BHLHA15: variants seen among roughly 807,000 people sequenced by gnomAD.
The protein encoded by BHLHA15 is class A basic helix-loop-helix protein 15.
In BHLHA15, 7 loss-of-function variants were observed where a neutral mutation model predicts 10.4. The ratio of observed to expected loss-of-function variants is 0.67; its 90% CI spans 0.38 to 1.26. The LOEUF (loss-of-function observed/expected upper bound fraction) is 1.26, where lower values mean the gene tolerates loss of function less well. Among genes scored for constraint, BHLHA15 ranks in the 50% most tolerant of loss-of-function variants. BHLHA15 has a pLI of 0.02. For synonymous variants in BHLHA15, 140 were observed against 131.5 expected (o/e 1.06, Z -0.44); for missense variants, 289 against 287.4 (o/e 1.01, Z -0.04).
chr7:98,212,221 G>A, intron 1 of BHLHA15, 35 bp from the exon 2 acceptor site: 2 of 1,227,948 alleles, frequency 1.6e-6, no homozygotes, highest in Non-Finnish European at 2.1e-6. Flanking sequence ...GCCCATGTGG[G>A]GTGACCACAG....
Position 98,212,750 on chromosome 7 carries a change from C to A in BHLHA15, c.441C>A (p.Pro147=). The stretch of plus-strand genomic sequence containing the variant: ...TCCCAGGCCTGGAGGGGCCGGGCCC[C>A]AAGCTCTACCAGCACTACCAGCAGC... ...SRLPGLEGPG[P]KLYQHYQQQQ... The change falls in exon 2 of 2, where the codon CCC becomes CCA. Residue 147 remains proline, a synonymous_variant. Transcript: ENST00000609256. The A allele has an allele frequency of 6.4e-7, 1 of 1,555,434 alleles. No homozygotes were observed. Among genetic ancestry groups the A allele is most frequent in the Non-Finnish European group, 8.7e-7 (1 of 1,150,228 alleles).
rs988897920 is a variant in BHLHA15 at position 98,213,101 on chromosome 7, C to T, written c.*222C>T. 4 of 536,314 alleles carry T rather than the reference C, an allele frequency of 7.5e-6. No homozygotes were observed. Among genetic ancestry groups the T allele is most frequent in the Non-Finnish European group, 1.3e-5 (4 of 310,868 alleles). The allele number at this position is 536,314 out of a possible 1,614,324, so 33.2% of individuals were successfully genotyped here. The stretch of plus-strand genomic sequence containing the variant: ...GCCTAGTTGCGGCTGTGGCCCTGGA[C>T]AGCGGCGTGAGGCCCAAACCTCTAG... On this transcript the variant is annotated 3_prime_UTR_variant, in exon 2 of 2. Transcript: ENST00000609256.
Position 98,212,940 on chromosome 7 carries a change from C to G in BHLHA15, c.*61C>G. ...CTGCCTGGCCTGCTCCTCCCAGCCC[C>G]AGTCCCTCCAAGCCACGAGCCCCAG... On this transcript the variant is annotated 3_prime_UTR_variant, in exon 2 of 2. Transcript: ENST00000609256. 6.9e-7 allele frequency: 1 copy of G among 1,448,186 alleles called. No individual in the cohort carries two copies. The highest frequency in any genetic ancestry group is 1.3e-5 in the South Asian group (1 of 74,216). The allele number at this position is 1,448,186 out of a possible 1,614,324, so 89.7% of individuals were successfully genotyped here. A position where few individuals can be genotyped will look rare whatever the true frequency, so the allele number is the denominator to read the frequency against.
Position 98,212,933 on chromosome 7 carries a change from C to G in BHLHA15, c.*54C>G. Reference sequence around the variant, plus strand: ...GCCGCAGCTGCCTGGCCTGCTCCTCCCAGCCCCAGTCCCTCCAAGCCACGA... The same window carrying G: ...GCCGCAGCTGCCTGGCCTGCTCCTCGCAGCCCCAGTCCCTCCAAGCCACGA... On this transcript the variant is annotated 3_prime_UTR_variant, in exon 2 of 2. Transcript: ENST00000609256. 6.8e-7 allele frequency: 1 copy of G among 1,468,704 alleles called. No homozygotes were observed. The highest frequency in any genetic ancestry group is 9.0e-7 in the Non-Finnish European group (1 of 1,108,374). The allele number at this position is 1,468,704 out of a possible 1,614,324, so 91.0% of individuals were successfully genotyped here.
chr7:98,213,022 A>G lies in BHLHA15; in HGVS notation c.*143A>G, dbSNP rs1051027140. 27 of 792,944 alleles carry G rather than the reference A, an allele frequency of 3.4e-5. No homozygotes were observed. Among genetic ancestry groups the G allele is most frequent in the Non-Finnish European group, 4.9e-5 (26 of 532,288 alleles). 49.1% of individuals were successfully genotyped at this position (792,944 alleles called of 1,614,324 possible). ...TCAGCGGTTCCATTTTCCCCCGAACATTCAGCCACTTCCCTGGAGCAATTT... is the reference window on the plus strand; with the variant it reads ...TCAGCGGTTCCATTTTCCCCCGAACGTTCAGCCACTTCCCTGGAGCAATTT... On this transcript the variant is annotated 3_prime_UTR_variant, in exon 2 of 2. Coordinates refer to ENST00000609256, the MANE Select transcript of BHLHA15 (RefSeq NM_177455.4).
rs1797958756 is a variant in BHLHA15, at chr7:98,214,606, CTT to C, written c.*1728_*1729del. On this transcript the variant is annotated 3_prime_UTR_variant, in exon 2 of 2. Coordinates refer to ENST00000609256, the MANE Select transcript of BHLHA15 (RefSeq NM_177455.4). Reference sequence around the variant, plus strand: ...CTCAGGTGCTACGAACATGGCAGCTCTTGTTTCCGGCTGAGCCATGGCCAGAG... The same window carrying C: ...CTCAGGTGCTACGAACATGGCAGCTCGTTTCCGGCTGAGCCATGGCCAGAG... 1 of 152,242 alleles carries C rather than the reference CTT, an allele frequency of 6.6e-6. No individual in the cohort carries two copies. The highest frequency in any genetic ancestry group is 2.1e-4 in the South Asian group (1 of 4,838). The allele number at this position is 152,242 out of a possible 1,614,324, so 9.4% of individuals were successfully genotyped here. A position where few individuals can be genotyped will look rare whatever the true frequency, so the allele number is the denominator to read the frequency against.
Position 98,214,566 on chromosome 7 carries a change from T to TC in BHLHA15, c.*1691dup, listed in dbSNP as rs61010294. The TC allele has an allele frequency of 0.056, 8,575 of 152,256 alleles. 596 individuals are homozygous for TC. Among genetic ancestry groups the TC allele is most frequent in the East Asian group, 0.33 (1,688 of 5,142 alleles). The allele number at this position is 152,256 out of a possible 1,614,324, so 9.4% of individuals were successfully genotyped here. On this transcript the variant is annotated 3_prime_UTR_variant, in exon 2 of 2. Coordinates refer to ENST00000609256, the MANE Select transcript of BHLHA15 (RefSeq NM_177455.4). ...GCGGGGACATGAGATGACAGAGACC[T>TC]CCCCGGCGGGGGTACTCAGGTGCTA...
rs905601345 is a variant in BHLHA15, at chr7:98,213,210, C to G, written c.*331C>G. ...AAGGCCTCCTTAGCCTTGGAACTAA[C>G]GTCTCTTCACCCTGACTTCTGGGCA... On this transcript the variant is annotated 3_prime_UTR_variant, in exon 2 of 2. Coordinates refer to ENST00000609256, the MANE Select transcript of BHLHA15 (RefSeq NM_177455.4). Among the ~76,000 whole-genome samples the G allele has an allele frequency of 1.4e-4, 21 of 152,314 alleles. No individual in the cohort carries two copies. The highest frequency in any genetic ancestry group is 4.1e-4 in the African/African-American group (17 of 41,578).
At position 98,213,936 on chromosome 7, in the gene BHLHA15, A is replaced by C. The variant is rs1483172658; in HGVS notation, c.*1057A>C. ...GTCCCTTCCCCCGCCCAGGTGCTTC[A>C]TCCTCATGGCCAGGCCTGGTGGCTT... is the stretch of plus-strand genomic sequence containing the variant. On this transcript the variant is annotated 3_prime_UTR_variant, in exon 2 of 2. Coordinates refer to ENST00000609256, the MANE Select transcript of BHLHA15 (RefSeq NM_177455.4). 6.6e-6 allele frequency among the ~76,000 whole-genome samples: 1 copy of C among 151,982 alleles called. No homozygotes were observed. Among genetic ancestry groups the C allele is most frequent in the African/African-American group, 2.4e-5 (1 of 41,382 alleles).
Position 98,212,534 on chromosome 7 carries a change from G to T in BHLHA15, c.225G>T (p.Gln75His). The T allele has an allele frequency of 6.3e-7, 1 of 1,592,510 alleles. No individual in the cohort carries two copies. Among genetic ancestry groups the T allele is most frequent in the Non-Finnish European group, 8.5e-7 (1 of 1,172,296 alleles). Residue 75 changes from glutamine (Q) to histidine (H), a missense_variant, in exon 2 of 2, where the codon CAG becomes CAT. Physicochemically the swap from Gln to His is conservative, Grantham distance 24 (BLOSUM62 0). Coordinates refer to ENST00000609256, the MANE Select transcript of BHLHA15 (RefSeq NM_177455.4). ...GTGGCCGTCGTGACAGCAGCATCCAGCGGCGGCTGGAGAGCAACGAGAGGG... is the reference window on the plus strand; with the variant it reads ...GTGGCCGTCGTGACAGCAGCATCCATCGGCGGCTGGAGAGCAACGAGAGGG... ...GPGGRRDSSI[Q>H]RRLESNERER... is the part of the protein sequence containing the mutation.
At chr7:98,212,155 A>T in intron 1 of BHLHA15, 101 bp from the exon 2 acceptor site, 1 of 615,068 alleles carries the variant, frequency 1.6e-6, no homozygotes, top group Non-Finnish European at 2.5e-6. Flanking sequence ...TGCCCCTGGT[A>T]CCATTGCTGT....
rs1797926382 is a variant in BHLHA15 at position 98,212,661 on chromosome 7, A to G, written c.352A>G (p.Thr118Ala). 1 of 1,590,992 alleles carries G rather than the reference A, an allele frequency of 6.3e-7. No homozygotes were observed. Among genetic ancestry groups the G allele is most frequent in the Non-Finnish European group, 8.5e-7 (1 of 1,170,212 alleles). ...DKKLSKIETL[T>A]LAKNYIKSLT... ...GAAGCTCTCCAAGATCGAGACGCTC[A>G]CGCTGGCCAAGAACTACATCAAATC... Residue 118 changes from threonine (T) to alanine (A), a missense_variant, in exon 2 of 2, where the codon ACG (threonine) becomes GCG (alanine). Transcript: ENST00000609256.
At position 98,212,502 on chromosome 7, in the gene BHLHA15, G is replaced by C; in HGVS notation, c.193G>C (p.Gly65Arg). The change falls in exon 2 of 2, where the codon GGG (glycine) becomes CGG (arginine). Residue 65 changes from glycine (G) to arginine (R), a missense_variant. Transcript: ENST00000609256. Reference protein sequence around the residue: ...EGRRRRPGPSGPGGRRDSSIQ... With the variant: ...EGRRRRPGPSRPGGRRDSSIQ... ...CAGGCGCAGGCGGCCAGGACCCTCC[G>C]GGCCCGGTGGCCGTCGTGACAGCAG... The C allele has an allele frequency of 6.4e-7, 1 of 1,570,014 alleles. No homozygotes were observed. The highest frequency in any genetic ancestry group is 1.2e-5 in the South Asian group (1 of 85,660).
In BHLHA15 at chr7:98,212,562, C is replaced by T. The variant is rs763099957; in HGVS notation, c.253C>T (p.Arg85Trp). The T allele has an allele frequency of 4.4e-6, 7 of 1,601,200 alleles. No individual in the cohort carries two copies. Among genetic ancestry groups the T allele is most frequent in the Non-Finnish European group, 6.0e-6 (7 of 1,176,058 alleles). The change falls in exon 2 of 2, where the codon CGG becomes TGG. Residue 85 changes from arginine to tryptophan, a missense_variant. By Grantham distance (101) the Arg-to-Trp change is moderately radical. Transcript: ENST00000609256. Reference sequence around the variant, plus strand: ...GCGGCTGGAGAGCAACGAGAGGGAGCGGCAGCGGATGCACAAGCTAAATAA... The same window carrying T: ...GCGGCTGGAGAGCAACGAGAGGGAGTGGCAGCGGATGCACAAGCTAAATAA... The part of the protein sequence containing the change: ...QRRLESNERE[R>W]QRMHKLNNAF...
In BHLHA15 at chr7:98,212,871, G is replaced by A. The variant is rs764810943; in HGVS notation, c.562G>A (p.Gly188Ser). ...YSTQIHSFRE[G>S]T ...CACGCAGATCCACAGCTTCCGAGAG[G>A]GCACCTAGCGCCCAGTCCTGGGTGG... The change falls in exon 2 of 2, where the codon GGC becomes AGC. Residue 188 changes from glycine (G) to serine (S), a missense_variant. Gly to Ser is a moderately conservative substitution (Grantham distance 56, BLOSUM62 0). Coordinates refer to ENST00000609256, the MANE Select transcript of BHLHA15 (RefSeq NM_177455.4). 2 of 1,535,888 alleles carry A rather than the reference G, an allele frequency of 1.3e-6. No homozygotes were observed. The highest frequency in any genetic ancestry group is 4.6e-5 in the Admixed American group (2 of 43,768).
At position 98,212,367 on chromosome 7, in the gene BHLHA15, AC is replaced by A; in HGVS notation, c.63del (p.Glu23ArgfsTer69). 3 of 1,423,940 alleles carry A rather than the reference AC, an allele frequency of 2.1e-6. No homozygotes were observed. The highest frequency in any genetic ancestry group is 1.5e-5 in the South Asian group (1 of 65,154). The allele number at this position is 1,423,940 out of a possible 1,614,324, so 88.2% of individuals were successfully genotyped here. On this transcript the variant is annotated frameshift_variant, in exon 2 of 2. Transcript: ENST00000609256. LOFTEE classifies it high-confidence loss of function. ...GGCCCCGGTGCAGGACACAGAGGCC[AC>A]CCCCGGGGAGGGGACGCCCGACGGG... ...RRAPVQDTEATPGEGTPDGSL... is the reference protein window; with the variant it reads ...RRAPVQDTEAXPGEGTPDGSL...
At position 98,213,241 on chromosome 7, in the gene BHLHA15, A is replaced by G. The variant is rs1056616872; in HGVS notation, c.*362A>G. Among the ~76,000 whole-genome samples, 6 of 152,318 alleles carry G rather than the reference A, an allele frequency of 3.9e-5. No individual in the cohort carries two copies. The South Asian group carries it at 1.2e-3, about 32-fold the overall frequency. ...TTCACCCTGACTTCTGGGCAAGGGG[A>G]GATCCCAGGAAAAGGTTTACCTGCA... On this transcript the variant is annotated 3_prime_UTR_variant, in exon 2 of 2. Transcript: ENST00000609256.
At position 98,212,866 on chromosome 7, in the gene BHLHA15, G is replaced by A. The variant is rs777253702; in HGVS notation, c.557G>A (p.Arg186Gln). ...TACTCCACGCAGATCCACAGCTTCC[G>A]AGAGGGCACCTAGCGCCCAGTCCTG... ...QRYSTQIHSF[R>Q]EGT is the part of the protein sequence containing the mutation. The change falls in exon 2 of 2, where the codon CGA becomes CAA. Residue 186 changes from arginine (R) to glutamine (Q), a missense_variant. Coordinates refer to ENST00000609256, the MANE Select transcript of BHLHA15 (RefSeq NM_177455.4). 1.5e-5 allele frequency: 23 copies of A among 1,539,200 alleles called. No homozygotes were observed. The highest frequency in any genetic ancestry group is 4.9e-5 in the South Asian group (4 of 81,152).
chr7:98,212,944 C>A lies in BHLHA15; in HGVS notation c.*65C>A. 1 of 1,424,108 alleles carries A rather than the reference C, an allele frequency of 7.0e-7. No individual in the cohort carries two copies. The highest frequency in any genetic ancestry group is 9.3e-7 in the Non-Finnish European group (1 of 1,074,434). The allele number at this position is 1,424,108 out of a possible 1,614,324, so 88.2% of individuals were successfully genotyped here. A position where few individuals can be genotyped will look rare whatever the true frequency, so the allele number is the denominator to read the frequency against. ...CTGGCCTGCTCCTCCCAGCCCCAGT[C>A]CCTCCAAGCCACGAGCCCCAGATGG... On this transcript the variant is annotated 3_prime_UTR_variant, in exon 2 of 2. Transcript: ENST00000609256.
Sources: allele counts gnomAD v4.1 joint callset (sites outside exome capture counted in the v4.1 genomes callset), GRCh38; gene constraint gnomAD v4.1.1; transcripts MANE v1.5; gene names NCBI Gene and HGNC (gene_info 2026-07-23, HGNC 2026-07-21).